The following MYO1E variants were observed in gnomAD, a reference collection of about 807,000 sequenced individuals.
The protein encoded by MYO1E is myosin IE.
Under a neutral mutation model 151.1 loss-of-function variants are expected in MYO1E, and 68 were observed. The observed-to-expected ratio is 0.45, with a 90% CI of 0.37 to 0.55. The LOEUF (loss-of-function observed/expected upper bound fraction) is 0.55, where lower values mean the gene tolerates loss of function less well. Among genes scored for constraint, MYO1E ranks in the 20% least tolerant of loss-of-function variants. MYO1E has a pLI of 0.00. For synonymous variants in MYO1E, 601 were observed against 501.7 expected, an observed-to-expected ratio of 1.20 and a Z score of -2.64; for missense variants, 1,363 against 1,389.3, an observed-to-expected ratio of 0.98 and a Z score of 0.30.
At chr15:59,220,714 G>A (rs921083139) in intron 9 of MYO1E, among the ~76,000 whole-genome samples, 1 of 151,850 alleles carries the variant, frequency 6.6e-6, no homozygotes, top group Non-Finnish European at 1.5e-5. Context: ...ATTCAGTCTT[G>A]TAACAGCAGA....
At chr15:59,189,260 A>T (rs981942597) in intron 17 of MYO1E, among the ~76,000 whole-genome samples, 3 of 152,236 alleles carry the variant, frequency 2.0e-5, no homozygotes, top group Non-Finnish European at 4.4e-5. Flanking sequence ...GGGTTTCGCC[A>T]CTTTGCCCAG....
chr15:59,191,521 G>A (rs1258436973), intron 17 of MYO1E, among the ~76,000 whole-genome samples: 1 of 152,074 alleles, frequency 6.6e-6, no homozygotes, highest in African/African-American at 2.4e-5. Flanking sequence ...TCATTTTAAA[G>A]TACTTTTCAT....
chr15:59,359,986 T>C (rs1359830761), intron 1 of MYO1E: 1 of 152,240 alleles, frequency 6.6e-6, no homozygotes, highest in East Asian at 1.9e-4. Flanking sequence ...AATATGGAGA[T>C]ATTTATGGAT....
chr15:59,371,171 A>T (rs2140447612), intron 1 of MYO1E, among the ~76,000 whole-genome samples: 1 of 152,354 alleles, frequency 6.6e-6, no homozygotes. Context: ...GTTTGTTTGT[A>T]ATCATTCTTT....
chr15:59,277,237 T>C (rs541191483), intron 1 of MYO1E, among the ~76,000 whole-genome samples: 2 of 152,120 alleles, frequency 1.3e-5, no homozygotes, highest in South Asian at 4.1e-4. Context: ...TATATAAACA[T>C]AGTTAACTAA....
At chr15:59,205,633 T>G in intron 14 of MYO1E, 148 bp from the exon 15 acceptor site, 1 of 759,688 alleles carries the variant, frequency 1.3e-6, no homozygotes, top group East Asian at 2.7e-5. Context: ...GATTTCCAGA[T>G]GTTGCATTTG....
chr15:59,173,800 C>G lies in MYO1E; in HGVS notation c.2280G>C (p.Lys760Asn). The part of the protein sequence containing the change: ...EHPELQQFVG[K>N]REKIDFADTV... ...TGTCTGCGAAATCAATCTTCTCCCT[C>G]TTGCCCACGAACTGCTGGAGTTCTG... Residue 760 changes from lysine (K) to asparagine (N), a missense_variant, in exon 21 of 28, where the codon AAG becomes AAC. Transcript: ENST00000288235. 1 of 1,614,092 alleles carries G rather than the reference C, an allele frequency of 6.2e-7. No homozygotes were observed. The highest frequency in any genetic ancestry group is 2.2e-5 in the East Asian group (1 of 44,884).
chr15:59,298,999 G>A (rs1363972298), intron 1 of MYO1E, among the ~76,000 whole-genome samples: 1 of 152,200 alleles, frequency 6.6e-6, no homozygotes, highest in African/African-American at 2.4e-5. Flanking sequence ...GACTGGGATA[G>A]ATCCTCAGAA....
At chr15:59,270,983 A>C (rs1232563414) in intron 2 of MYO1E, 2 of 152,232 alleles carry the variant, frequency 1.3e-5, no homozygotes, top group African/African-American at 2.4e-5. Flanking sequence ...AAATCCAACT[A>C]TATCTGTTAA....
chr15:59,152,423 G>C (rs1218629823), intron 26 of MYO1E, among the ~76,000 whole-genome samples: 1 of 152,184 alleles, frequency 6.6e-6, no homozygotes, highest in Non-Finnish European at 1.5e-5. Context: ...GAAGAGAAGA[G>C]AGAGTGGGTG....
chr15:59,277,356 C>A (rs1325352436), intron 1 of MYO1E, among the ~76,000 whole-genome samples: 1 of 152,036 alleles, frequency 6.6e-6, no homozygotes, highest in African/African-American at 2.4e-5. Context: ...ACCATCCCAG[C>A]CAACATAGTG....
chr15:59,181,841 C>G (rs12916830), intron 18 of MYO1E, among the ~76,000 whole-genome samples: 71,147 of 152,098 alleles, frequency 0.47, 19,546 homozygotes, highest in Non-Finnish European at 0.63. Flanking sequence ...CTTTTACTTT[C>G]TGTTTCTCAT....
intron 2 of MYO1E, among the ~76,000 whole-genome samples, chr15:59,265,843 T>A (rs1455892221): frequency 1.4e-5 from 2 of 147,232 alleles, no homozygotes; most frequent in Non-Finnish European, 3.0e-5. Context: ...GGTCTTCACA[T>A]GTAGTCCCAG....
At chr15:59,174,623 G>C (rs572212464) in intron 19 of MYO1E, among the ~76,000 whole-genome samples, 1 of 152,234 alleles carries the variant, frequency 6.6e-6, no homozygotes, top group African/African-American at 2.4e-5. Context: ...GGAGGCTGTT[G>C]CTGTTGTTTG....
intron 1 of MYO1E, among the ~76,000 whole-genome samples, chr15:59,371,790 G>C (rs1468014908): frequency 6.6e-6 from 1 of 151,998 alleles, no homozygotes; most frequent in Non-Finnish European, 1.5e-5. Context: ...CCGGGGCGCG[G>C]AGACCCTCGG....
chr15:59,220,978 C>A (rs1433749676), intron 9 of MYO1E, among the ~76,000 whole-genome samples: 7 of 136,440 alleles, frequency 5.1e-5, no homozygotes, highest in African/African-American at 1.6e-4. Context: ...GATATAGCAT[C>A]ATCTCACATT....
At chr15:59,169,000 TATC>T (rs1224704543) in intron 22 of MYO1E, among the ~76,000 whole-genome samples, 2 of 152,214 alleles carry the variant, frequency 1.3e-5, no homozygotes, top group Non-Finnish European at 2.9e-5. Context: ...CACAAAACAT[TATC>T]ATACCTACAG....
At chr15:59,144,895 G>A (rs1304874210) in intron 26 of MYO1E, among the ~76,000 whole-genome samples, 1 of 152,162 alleles carries the variant, frequency 6.6e-6, no homozygotes, top group Admixed American at 6.5e-5. Flanking sequence ...CCAGGCTGGA[G>A]TGCAATGGTA....
At chr15:59,351,699 T>C (rs759245487) in intron 1 of MYO1E, among the ~76,000 whole-genome samples, 15 of 151,528 alleles carry the variant, frequency 9.9e-5, no homozygotes, top group Non-Finnish European at 2.1e-4. Flanking sequence ...GTGGCCACTG[T>C]GAAAAGGAAG....
Sources: allele counts gnomAD v4.1 joint callset (sites outside exome capture counted in the v4.1 genomes callset), GRCh38; gene constraint gnomAD v4.1.1; transcripts MANE v1.5; gene names NCBI Gene and HGNC (gene_info 2026-07-23, HGNC 2026-07-21).